The following DRC10 variants were observed in gnomAD, a reference collection of about 807,000 sequenced individuals.
The protein encoded by DRC10 is dynein regulatory complex subunit 10.
chr12:113,207,357 A>G, the DRC10 span: 1 of 1,190,122 alleles, frequency 8.4e-7, no homozygotes, highest in East Asian at 2.3e-5. Context: ...TAAAAAAAAA[A>G]TCAATCATTG....
chr12:113,207,704 C>T, the DRC10 span: 1,482 of 1,614,136 alleles, frequency 9.2e-4, 14 homozygotes, highest in African/African-American at 0.017. Context: ...AGTCTAAGGA[C>T]GTTCTTGGTG....
chr12:113,214,162 T>C, the DRC10 span, among the ~76,000 whole-genome samples: 4 of 152,086 alleles, frequency 2.6e-5, no homozygotes, highest in African/African-American at 4.8e-5. Context: ...AACAGATTCA[T>C]GATGAAACCT....
At chr12:113,197,618 A>G in the DRC10 span, 2 of 1,511,786 alleles carry the variant, frequency 1.3e-6, no homozygotes, top group East Asian at 4.9e-5. Context: ...TTCTTCTAGA[A>G]AAGATCCAAT....
At chr12:113,207,996 A>T in the DRC10 span, 1 of 1,614,188 alleles carries the variant, frequency 6.2e-7, no homozygotes. Context: ...AGATCGCCTC[A>T]TCCAGGATGG....
At chr12:113,210,697 A>G in the DRC10 span, among the ~76,000 whole-genome samples, 1 of 135,708 alleles carries the variant, frequency 7.4e-6, no homozygotes, top group African/African-American at 2.7e-5. Context: ...CCCCCATAAC[A>G]TCCCCATCCC....
chr12:113,197,843 A>G, the DRC10 span, among the ~76,000 whole-genome samples: 1 of 152,258 alleles, frequency 6.6e-6, no homozygotes, highest in African/African-American at 2.4e-5. Context: ...TGATGCCAGC[A>G]GCCTGGTTCC....
At chr12:113,200,770 A>G in the DRC10 span, 1 of 1,535,168 alleles carries the variant, frequency 6.5e-7, no homozygotes. Flanking sequence ...CACCTGGTGC[A>G]GGTGGTTTTT....
the DRC10 span, among the ~76,000 whole-genome samples, chr12:113,201,313 AGGTGG>A: frequency 6.6e-6 from 1 of 152,214 alleles, no homozygotes; most frequent in Non-Finnish European, 1.5e-5. Flanking sequence ...AGGCTCAAGG[AGGTGG>A]CTTCATCTGT....
At chr12:113,209,260 G>A in the DRC10 span, among the ~76,000 whole-genome samples, 1 of 152,142 alleles carries the variant, frequency 6.6e-6, no homozygotes, top group South Asian at 2.1e-4. Context: ...ATATAACTTT[G>A]AAATACAATT....
the DRC10 span, among the ~76,000 whole-genome samples, chr12:113,217,175 C>T: frequency 6.6e-6 from 1 of 152,104 alleles, no homozygotes; most frequent in Admixed American, 6.6e-5. Flanking sequence ...AGAAACCAAC[C>T]CCCCAGGAAT....
At chr12:113,204,740 C>A in the DRC10 span, among the ~76,000 whole-genome samples, 1 of 152,050 alleles carries the variant, frequency 6.6e-6, no homozygotes, top group Non-Finnish European at 1.5e-5. Context: ...ACAGCCTGGC[C>A]AAAATGGCAA....
the DRC10 span, among the ~76,000 whole-genome samples, chr12:113,219,266 C>A: frequency 6.6e-6 from 1 of 152,194 alleles, no homozygotes; most frequent in African/African-American, 2.4e-5. Context: ...GAACTCCTGA[C>A]CTCAGGTGAT....
the DRC10 span, among the ~76,000 whole-genome samples, chr12:113,216,947 C>T: frequency 8.0e-4 from 121 of 152,034 alleles, no homozygotes; most frequent in Admixed American, 2.4e-3. Flanking sequence ...AAATTAGCAG[C>T]GCATGGTGTT....
chr12:113,199,750 C>A, the DRC10 span, among the ~76,000 whole-genome samples: 1 of 152,018 alleles, frequency 6.6e-6, no homozygotes, highest in African/African-American at 2.4e-5. Flanking sequence ...CAAGGTTTCA[C>A]TCTGTTGACC....
the DRC10 span, among the ~76,000 whole-genome samples, chr12:113,205,912 A>AG: frequency 1.6e-4 from 23 of 146,698 alleles, no homozygotes; most frequent in Non-Finnish European, 3.4e-4. Context: ...CAAAAAAAAA[A>AG]AAAAAAAAAA....
At chr12:113,217,025 G>GT in the DRC10 span, among the ~76,000 whole-genome samples, 2 of 152,268 alleles carry the variant, frequency 1.3e-5, no homozygotes, top group East Asian at 3.9e-4. Flanking sequence ...AGAGGCGTAG[G>GT]TTGCAGTGAG....
At chr12:113,213,176 TAAA>T in the DRC10 span, among the ~76,000 whole-genome samples, 685 of 63,618 alleles carry the variant, frequency 0.011, 12 homozygotes, top group African/African-American at 0.037. Flanking sequence ...CAGAGGGTGC[TAAA>T]AAAAAAAAAA....
the DRC10 span, chr12:113,200,731 C>T: frequency 8.5e-6 from 13 of 1,536,064 alleles, no homozygotes; most frequent in South Asian, 1.2e-5. Context: ...CTGCTTAGTG[C>T]GAACGAGGCT....
At chr12:113,201,087 G>A in the DRC10 span, among the ~76,000 whole-genome samples, 6 of 152,218 alleles carry the variant, frequency 3.9e-5, no homozygotes, top group South Asian at 8.3e-4. Context: ...TGCAGTGAGC[G>A]GAGATATCAT....
Sources: allele counts gnomAD v4.1 joint callset (sites outside exome capture counted in the v4.1 genomes callset), GRCh38; gene constraint gnomAD v4.1.1; transcripts MANE v1.5; gene names NCBI Gene and HGNC (gene_info 2026-07-23, HGNC 2026-07-21).